RABEP1: variants seen among roughly 807,000 people sequenced by gnomAD.
The protein encoded by RABEP1 is rabaptin, RAB GTPase binding effector protein 1.
Under a neutral mutation model 123.4 loss-of-function variants are expected in RABEP1, and 51 were observed. The ratio of observed to expected loss-of-function variants is 0.41; its 90% confidence interval spans 0.33 to 0.52. The LOEUF (loss-of-function observed/expected upper bound fraction) is 0.52, where lower values mean the gene tolerates loss of function less well. Among genes scored for constraint, RABEP1 ranks in the 20% least tolerant of loss-of-function variants. RABEP1 has a pLI of 0.16. For synonymous variants in RABEP1, 347 were observed against 355.2 expected, an observed-to-expected ratio of 0.98 and a Z score of 0.26; for missense variants, 888 against 996.3, an observed-to-expected ratio of 0.89 and a Z score of 1.46.
chr17:5,357,475 G>A (rs186051676), intron 8 of RABEP1, among the ~76,000 whole-genome samples: 3 of 152,098 alleles, frequency 2.0e-5, no homozygotes, highest in Admixed American at 6.5e-5. Flanking sequence ...GGGTTCAAGC[G>A]ATTCTCGTGC....
At chr17:5,322,865 A>T (rs1905517679) in intron 2 of RABEP1, among the ~76,000 whole-genome samples, 1 of 152,230 alleles carries the variant, frequency 6.6e-6, no homozygotes, top group Non-Finnish European at 1.5e-5. Context: ...ACTTGAGGCC[A>T]GGAGTTTGAG....
At position 5,383,135 on chromosome 17, in the gene RABEP1, G is replaced by T; in HGVS notation, c.2501G>T (p.Arg834Leu). 9 of 1,614,084 alleles carry T rather than the reference G, an allele frequency of 5.6e-6. No homozygotes were observed. Among genetic ancestry groups the T allele is most frequent in the Non-Finnish European group, 6.8e-6 (8 of 1,180,002 alleles). Reference sequence around the variant, plus strand: ...TTGTTTCTCCAGGTGCAGTTAGAGCGGATCCGGCAAGCTGACTCCTTGGAG... The same window carrying T: ...TTGTTTCTCCAGGTGCAGTTAGAGCTGATCCGGCAAGCTGACTCCTTGGAG... The part of the protein sequence containing the change: ...LSQTLQVQLE[R>L]IRQADSLERI... The change falls in exon 18 of 18, where the codon CGG becomes CTG. Residue 834 changes from arginine (R) to leucine (L), a missense_variant. By Grantham distance (102) the Arg-to-Leu change is moderately radical (BLOSUM62 -2). Coordinates refer to ENST00000537505, the MANE Select transcript of RABEP1 (RefSeq NM_004703.6).
chr17:5,308,586 T>G, intron 1 of RABEP1, 108 bp from the exon 2 acceptor site: 1 of 1,046,730 alleles, frequency 9.6e-7, no homozygotes, highest in Non-Finnish European at 1.3e-6. Flanking sequence ...GGAAGAAGCT[T>G]GACTACTTGT....
intron 1 of RABEP1, among the ~76,000 whole-genome samples, chr17:5,288,734 T>TG (rs2075003514): frequency 6.7e-6 from 1 of 149,902 alleles, no homozygotes; most frequent in African/African-American, 2.5e-5. Context: ...GACCAAGTCT[T>TG]GCTGTGTTGC....
At chr17:5,374,885 G>T (rs62075141) in intron 13 of RABEP1, among the ~76,000 whole-genome samples, 3 of 152,054 alleles carry the variant, frequency 2.0e-5, no homozygotes, top group Non-Finnish European at 4.4e-5. Context: ...CTCGTGATCC[G>T]CCCGCCTTGG....
Position 5,374,721 on chromosome 17 carries a change from C to T in RABEP1, c.2025+1267C>T, listed in dbSNP as rs745696160. Among the ~76,000 whole-genome samples, 28 of 152,266 alleles carry T rather than the reference C, an allele frequency of 1.8e-4. 1 individual carries two copies. The highest frequency in any genetic ancestry group is 1.9e-4 in the East Asian group (1 of 5,188). On this transcript the variant is annotated intron_variant, in intron 13 of 17. Transcript: ENST00000537505. The stretch of plus-strand genomic sequence containing the variant: ...GTGGCGCAACCTAGGCTTACTGCAA[C>T]CTCTGTCTCCCAGGTTCAAGTGATT...
At chr17:5,283,445 A>G (rs1050737535) in intron 1 of RABEP1, among the ~76,000 whole-genome samples, 1 of 152,182 alleles carries the variant, frequency 6.6e-6, no homozygotes, top group Non-Finnish European at 1.5e-5. Context: ...TGCTTCACAG[A>G]TTGACTACAT....
chr17:5,284,309 C>A lies in RABEP1; in HGVS notation c.34+1789C>A, dbSNP rs545932109. Among the ~76,000 whole-genome samples the A allele has an allele frequency of 1.5e-4, 23 of 152,238 alleles. No homozygotes were observed. In the East Asian group the frequency reaches 4.2e-3, roughly 28 times the overall value. On this transcript the variant is annotated intron_variant, in intron 1 of 17. Coordinates refer to ENST00000537505, the MANE Select transcript of RABEP1 (RefSeq NM_004703.6). ...CAGGTTTCTTTCCTATTTCTCAAAT[C>A]TTGTGACTCTAGGATGAGATTTAGT...
At chr17:5,324,946 TGGA>T (rs1235153855) in intron 2 of RABEP1, among the ~76,000 whole-genome samples, 1 of 152,208 alleles carries the variant, frequency 6.6e-6, no homozygotes. Context: ...GAGAATAGTA[TGGA>T]GGTTCCTCAA....
intron 2 of RABEP1, among the ~76,000 whole-genome samples, chr17:5,324,793 G>C (rs1395889043): frequency 6.6e-6 from 1 of 152,178 alleles, no homozygotes; most frequent in African/African-American, 2.4e-5. Flanking sequence ...TATGTGAAAA[G>C]ATGCTCAACA....
At chr17:5,287,479 A>T (rs2074989858) in intron 1 of RABEP1, among the ~76,000 whole-genome samples, 1 of 151,696 alleles carries the variant, frequency 6.6e-6, no homozygotes, top group South Asian at 2.1e-4. Context: ...CGCGCCTGTA[A>T]TCCCAGCTAC....
At chr17:5,339,699 C>T (rs1471410886) in intron 5 of RABEP1, among the ~76,000 whole-genome samples, 2 of 151,798 alleles carry the variant, frequency 1.3e-5, no homozygotes, top group African/African-American at 4.8e-5. Context: ...ACTTGGGAGG[C>T]TGAGGCAGGA....
chr17:5,330,161 C>T (rs1906393747), intron 2 of RABEP1, among the ~76,000 whole-genome samples: 1 of 152,176 alleles, frequency 6.6e-6, no homozygotes, highest in South Asian at 2.1e-4. Context: ...AGTTGACACA[C>T]ATAAACTTTT....
At chr17:5,339,401 T>G (rs1037837912) in intron 5 of RABEP1, among the ~76,000 whole-genome samples, 4 of 152,102 alleles carry the variant, frequency 2.6e-5, no homozygotes, top group Non-Finnish European at 5.9e-5. Flanking sequence ...CCCGGCTACT[T>G]GAGAGGCTGA....
At chr17:5,362,836 A>G (rs1909671677) in intron 9 of RABEP1, 76 bp from the exon 10 acceptor site, 3 of 945,970 alleles carry the variant, frequency 3.2e-6, no homozygotes, top group South Asian at 2.8e-5. Context: ...ACCATTGGTA[A>G]GACTATGCAC....
At chr17:5,298,656 ATTTT>A (rs11355508) in intron 1 of RABEP1, among the ~76,000 whole-genome samples, 2 of 128,822 alleles carry the variant, frequency 1.6e-5, no homozygotes, top group Non-Finnish European at 3.2e-5. Flanking sequence ...CTCCTCCAGG[ATTTT>A]TTTTTTTTTT....
intron 15 of RABEP1, 123 bp downstream of exon 15, chr17:5,378,355 C>A: frequency 1.0e-6 from 1 of 967,080 alleles, no homozygotes; most frequent in East Asian, 2.5e-5. Flanking sequence ...GAACTTTTGT[C>A]TTGTGGGAAG....
At chr17:5,345,882 A>G (rs1363367617) in intron 5 of RABEP1, among the ~76,000 whole-genome samples, 1 of 152,210 alleles carries the variant, frequency 6.6e-6, no homozygotes, top group Non-Finnish European at 1.5e-5. Context: ...AAAGTTAACT[A>G]AAGGGTTAGA....
intron 2 of RABEP1, among the ~76,000 whole-genome samples, chr17:5,328,857 A>G (rs1906231360): frequency 6.6e-6 from 1 of 150,816 alleles, no homozygotes; most frequent in Admixed American, 6.6e-5. Flanking sequence ...AGGCTGAGGC[A>G]GGAGAATCAC....
Sources: gnomAD v4.1 joint callset for allele counts (sites outside exome capture counted in the v4.1 genomes callset) on GRCh38, gnomAD v4.1.1 for gene constraint, MANE v1.5 for transcripts, NCBI Gene and HGNC (gene_info 2026-07-23, HGNC 2026-07-21) for gene names.